The following CYP4X1 variants were observed in gnomAD, a reference collection of about 807,000 sequenced individuals.
The protein encoded by CYP4X1 is cytochrome P450 4X1.
A neutral mutation model predicts 57.9 loss-of-function variants in CYP4X1; 44 were observed. That is an observed-to-expected ratio of 0.76 (90% CI 0.60 to 0.98). The LOEUF is 0.98. Ranked by LOEUF, CYP4X1 falls within the 50% of genes least tolerant of loss-of-function variation. The pLI, the probability that CYP4X1 is intolerant of heterozygous loss-of-function variation, is 0.00. For synonymous variants in CYP4X1, 227 were observed against 228.6 expected (o/e 0.99, Z 0.06); for missense variants, 532 against 623.9 (o/e 0.85, Z 1.57).
intron 8 of CYP4X1, among the ~76,000 whole-genome samples, chr1:47,040,348 A>G (rs553558157): frequency 3.3e-5 from 5 of 152,276 alleles, no homozygotes; most frequent in African/African-American, 1.2e-4. Context: ...CTGTTAATAA[A>G]GCCCAGGTTA....
At chr1:47,026,939 A>T (rs1450325306) in intron 1 of CYP4X1, among the ~76,000 whole-genome samples, 1 of 150,148 alleles carries the variant, frequency 6.7e-6, no homozygotes, top group African/African-American at 2.5e-5. Context: ...CTAGTCTCGA[A>T]CTCCTGACCT....
intron 1 of CYP4X1, among the ~76,000 whole-genome samples, chr1:47,025,333 A>G (rs1045632274): frequency 2.0e-5 from 3 of 152,198 alleles, no homozygotes; most frequent in African/African-American, 7.2e-5. Context: ...GCAGATGCCA[A>G]TGCCATGCTT....
intron 8 of CYP4X1, among the ~76,000 whole-genome samples, chr1:47,043,489 T>C (rs1292141083): frequency 6.6e-6 from 1 of 152,138 alleles, no homozygotes; most frequent in African/African-American, 2.4e-5. Flanking sequence ...TTTTCGTTGT[T>C]GTTGTTTTTT....
chr1:47,050,161 T>C lies in CYP4X1; in HGVS notation c.1517T>C (p.Leu506Pro), dbSNP rs202134139. The C allele has an allele frequency of 7.4e-6, 12 of 1,613,752 alleles. No individual in the cohort carries two copies. The highest frequency in any genetic ancestry group is 1.0e-5 in the Non-Finnish European group (12 of 1,179,938). ...KNGMYLHLKK[L>P]SEC is the part of the protein sequence containing the mutation. Reference sequence around the variant, plus strand: ...GGGATGTATTTGCACCTGAAGAAACTCTCTGAATGTTAGATCTCAGGGTAC... The same window carrying C: ...GGGATGTATTTGCACCTGAAGAAACCCTCTGAATGTTAGATCTCAGGGTAC... Residue 506 changes from leucine (L) to proline (P), a missense_variant, in exon 12 of 12, where the codon CTC (leucine) becomes CCC (proline). By Grantham distance (98) the Leu-to-Pro change is moderately conservative. Coordinates refer to ENST00000371901, the MANE Select transcript of CYP4X1 (RefSeq NM_178033.2).
chr1:46,982,198 C>A, the CYP4X1 span, among the ~76,000 whole-genome samples: 3 of 152,118 alleles, frequency 2.0e-5, no homozygotes, highest in African/African-American at 7.2e-5. Flanking sequence ...GCTCTATTAG[C>A]TCAGTTTGGT....
chr1:47,010,146 G>T, the CYP4X1 span, among the ~76,000 whole-genome samples: 2 of 151,996 alleles, frequency 1.3e-5, no homozygotes, highest in Non-Finnish European at 2.9e-5. Flanking sequence ...GATGAACATC[G>T]ATGCAAAAAT....
intron 1 of CYP4X1, 62 bp downstream of exon 1, chr1:47,024,056 G>A: frequency 2.0e-6 from 3 of 1,530,160 alleles, no homozygotes; most frequent in Non-Finnish European, 2.6e-6. Context: ...CGGCAGAGGA[G>A]CCCAGCCGGC....
the CYP4X1 span, among the ~76,000 whole-genome samples, chr1:46,992,548 C>T: frequency 6.6e-6 from 1 of 152,206 alleles, no homozygotes; most frequent in African/African-American, 2.4e-5. Flanking sequence ...GCATACTGTT[C>T]TCAAGGTCAT....
chr1:47,030,148 A>G lies in CYP4X1; in HGVS notation c.319+17A>G, dbSNP rs1644110785. The G allele has an allele frequency of 1.2e-6, 2 of 1,602,878 alleles. No homozygotes were observed. The highest frequency in any genetic ancestry group is 1.3e-5 in the African/African-American group (1 of 74,494). On this transcript the variant is annotated intron_variant, in intron 2 of 11. Coordinates refer to ENST00000371901, the MANE Select transcript of CYP4X1 (RefSeq NM_178033.2). ...GCAGAACAGGTAAGAAGAGGGGGAA[A>G]GCTCTGGGACCTATTCCTCCTAGAA...
the CYP4X1 span, among the ~76,000 whole-genome samples, chr1:46,974,323 G>T: frequency 6.6e-6 from 1 of 152,050 alleles, no homozygotes; most frequent in East Asian, 1.9e-4. Context: ...TCTTTAATTT[G>T]TTGAGAATTG....
At chr1:47,004,299 A>T in the CYP4X1 span, among the ~76,000 whole-genome samples, 4 of 152,162 alleles carry the variant, frequency 2.6e-5, no homozygotes, top group African/African-American at 9.7e-5. Flanking sequence ...GTTTTGTCCA[A>T]TTCTTTGTTC....
chr1:46,964,333 C>T, the CYP4X1 span, among the ~76,000 whole-genome samples: 1 of 152,166 alleles, frequency 6.6e-6, no homozygotes, highest in African/African-American at 2.4e-5. Flanking sequence ...TTAGAGTTTC[C>T]AGTTTTTCTG....
Position 47,039,519 on chromosome 1 carries a change from T to G in CYP4X1, c.1060T>G (p.Ser354Ala). The change falls in exon 8 of 12, where the codon TCT (serine) becomes GCT (alanine). Residue 354 changes from serine (S) to alanine (A), a missense_variant. Ser to Ala is a moderately conservative substitution (Grantham distance 99). Coordinates refer to ENST00000371901, the MANE Select transcript of CYP4X1 (RefSeq NM_178033.2). ...EEVRGILGDG[S>A]SITWDQLGEM... ...GGTCAGGGGCATCCTGGGGGATGGG[T>G]CTTCTATCACTTGGTAAGATCTGCA... The G allele has an allele frequency of 6.2e-7, 1 of 1,605,682 alleles. No individual in the cohort carries two copies.
At chr1:46,999,026 TTGTGTGTGTGTG>T in the CYP4X1 span, among the ~76,000 whole-genome samples, 92 of 143,326 alleles carry the variant, frequency 6.4e-4, no homozygotes, top group African/African-American at 2.3e-3. Context: ...CTTGCTTTCT[TTGTGTGTGTGTG>T]TGTGTGTGTG....
At chr1:47,038,284 C>T (rs1017064113) in intron 6 of CYP4X1, among the ~76,000 whole-genome samples, 1 of 151,918 alleles carries the variant, frequency 6.6e-6, no homozygotes, top group Non-Finnish European at 1.5e-5. Context: ...TCTCTCAGCT[C>T]CTTCAATTAT....
the CYP4X1 span, among the ~76,000 whole-genome samples, chr1:47,013,103 G>A: frequency 2.0e-5 from 3 of 151,918 alleles, no homozygotes; most frequent in African/African-American, 4.8e-5. Flanking sequence ...CGAGTTTGTT[G>A]GTGGTGGTGT....
chr1:47,025,548 A>C (rs953241644), intron 1 of CYP4X1, among the ~76,000 whole-genome samples: 1 of 152,190 alleles, frequency 6.6e-6, no homozygotes, highest in Non-Finnish European at 1.5e-5. Context: ...TTCTATTTGT[A>C]TTATTTTTAT....
upstream of CYP4X1, among the ~76,000 whole-genome samples, chr1:47,019,926 CCTT>C (rs1408577648): frequency 6.6e-6 from 1 of 152,164 alleles, no homozygotes; most frequent in Non-Finnish European, 1.5e-5. Context: ...ATTTAGCTGT[CCTT>C]ATTATATTTC....
At chr1:47,038,611 A>G (rs1460203578) in intron 6 of CYP4X1, 49 bp from the exon 7 acceptor site, 2 of 1,448,746 alleles carry the variant, frequency 1.4e-6, no homozygotes, top group Non-Finnish European at 1.9e-6. Flanking sequence ...TTTATAATTT[A>G]TTTGACTTTG....
Sources: allele counts gnomAD v4.1 joint callset (sites outside exome capture counted in the v4.1 genomes callset), GRCh38; gene constraint gnomAD v4.1.1; transcripts MANE v1.5; gene names NCBI Gene and HGNC (gene_info 2026-07-23, HGNC 2026-07-21).